The following SYNE1 variants were observed in gnomAD, a reference collection of about 807,000 sequenced individuals.
SYNE1 encodes spectrin repeat containing nuclear envelope protein 1.
In SYNE1, 616 loss-of-function variants were observed where a neutral mutation model predicts 1,111.0. The ratio of observed to expected loss-of-function variants is 0.55; its 90% CI spans 0.52 to 0.59. SYNE1 has a LOEUF of 0.59. SYNE1 is among the 20% of genes least tolerant of loss of function. The pLI, the probability that SYNE1 is intolerant of heterozygous loss-of-function variation, is 0.00. For missense variants in SYNE1, 10,006 were observed against 10,417.0 expected (o/e 0.96, Z 1.72); for synonymous variants, 3,855 against 3,825.8 (o/e 1.01, Z -0.28).
At chr6:152,511,619 A>G in intron 6 of SYNE1, 2 of 1,606,400 alleles carry the variant, frequency 1.2e-6, no homozygotes, top group African/African-American at 1.3e-5. Context: ...GGGAGAAGAT[A>G]ATAGATATAC....
intron 131 of SYNE1, among the ~76,000 whole-genome samples, chr6:152,157,933 G>GT (rs1201294065): frequency 6.6e-6 from 1 of 151,654 alleles, no homozygotes; most frequent in Non-Finnish European, 1.5e-5. Context: ...TAATTTTTGT[G>GT]TTTTTAGTAG....
chr6:152,240,293 AAAACAAAC>A (rs71017529), intron 107 of SYNE1, among the ~76,000 whole-genome samples: 6 of 150,374 alleles, frequency 4.0e-5, no homozygotes, highest in Non-Finnish European at 5.9e-5. Flanking sequence ...ACTCCATCTC[AAAACAAAC>A]AAACAAACAA....
At chr6:152,413,140 C>T (rs912230393) in intron 42 of SYNE1, among the ~76,000 whole-genome samples, 4 of 152,120 alleles carry the variant, frequency 2.6e-5, no homozygotes, top group East Asian at 1.9e-4. Context: ...CATGAGCCAC[C>T]GTGCCTGGCC....
chr6:152,451,287 AC>A (rs2098646998), intron 25 of SYNE1, 82 bp from the exon 26 acceptor site: 6 of 1,209,910 alleles, frequency 5.0e-6, no homozygotes, highest in African/African-American at 3.2e-5. Context: ...AAAAAAAAAA[AC>A]AAAAACCATA....
intron 22 of SYNE1, 78 bp from the exon 23 acceptor site, chr6:152,456,122 G>C: frequency 2.0e-6 from 3 of 1,482,726 alleles, no homozygotes; most frequent in Non-Finnish European, 2.8e-6. Flanking sequence ...GACCATTACA[G>C]ATAATAAGAA....
chr6:152,288,310 A>G (rs948103898), intron 95 of SYNE1, among the ~76,000 whole-genome samples: 2 of 152,136 alleles, frequency 1.3e-5, no homozygotes, highest in African/African-American at 4.8e-5. Flanking sequence ...TCCTTGTTAG[A>G]TCTCATTTAA....
intron 59 of SYNE1, among the ~76,000 whole-genome samples, chr6:152,371,775 A>T (rs1215659693): frequency 1.3e-5 from 1 of 78,630 alleles, no homozygotes; most frequent in Non-Finnish European, 2.4e-5. Context: ...AAGGGAGGAG[A>T]GGGGAGGGGA....
intron 4 of SYNE1, among the ~76,000 whole-genome samples, chr6:152,537,231 C>T (rs2127938499): frequency 6.6e-6 from 1 of 152,078 alleles, no homozygotes; most frequent in East Asian, 1.9e-4. Context: ...GTTATATCAA[C>T]AATTTGTGAT....
At position 152,526,810 on chromosome 6, in the gene SYNE1, A is replaced by T. The variant is rs548947966; in HGVS notation, c.130-635T>A. Among the ~76,000 whole-genome samples, 4 of 152,328 alleles carry T rather than the reference A, an allele frequency of 2.6e-5. No individual in the cohort carries two copies. In the East Asian group the frequency reaches 7.7e-4, roughly 29 times the overall value. ...ATTGAACCCAAAAGATCATAAGCAC[A>T]AAAGTACAGACCGATCAGTGCAAAT... On this transcript the variant is annotated intron_variant, in intron 4 of 145. Coordinates refer to ENST00000367255, the MANE Select transcript of SYNE1 (RefSeq NM_182961.4).
In SYNE1 at chr6:152,301,734, T is replaced by TAAGGA. The variant is rs1313049366; in HGVS notation, c.17541+130_17541+134dup. ...CGGCCCAACGGTAGTCAAAGAGACT[T>TAAGGA]AAGGAATCTGTTCCTCCCTCTGAAT... On this transcript the variant is annotated intron_variant, in intron 92 of 145. Coordinates refer to ENST00000367255, the MANE Select transcript of SYNE1 (RefSeq NM_182961.4). The TAAGGA allele has an allele frequency of 1.9e-5, 18 of 953,946 alleles. No homozygotes were observed. The African/African-American group carries it at 2.5e-4, about 13-fold the overall frequency. 59.1% of individuals were successfully genotyped at this position (953,946 alleles called of 1,614,324 possible). A position where few individuals can be genotyped will look rare whatever the true frequency, so the allele number is the denominator to read the frequency against.
Position 152,236,337 on chromosome 6 carries a change from G to T in SYNE1, c.20200-34C>A, listed in dbSNP as rs2084029295. ...TTGAAATTATTGAGTTAAAAGTTTG[G>T]ATATGCAATTTTTGTCTTTAAGAAT... On this transcript the variant is annotated intron_variant, in intron 109 of 145. Transcript: ENST00000367255. 3.3e-6 allele frequency: 5 copies of T among 1,516,466 alleles called. No individual in the cohort carries two copies. The South Asian group carries it at 5.7e-5, about 17-fold the overall frequency. The allele number at this position is 1,516,466 out of a possible 1,614,324, so 93.9% of individuals were successfully genotyped here. A position where few individuals can be genotyped will look rare whatever the true frequency, so the allele number is the denominator to read the frequency against.
rs149098432 is a variant in SYNE1, at chr6:152,561,135, G to A, written c.68-21114C>T. Among the ~76,000 whole-genome samples the A allele has an allele frequency of 8.1e-3, 1,225 of 152,146 alleles. 11 individuals carry two copies. The highest frequency in any genetic ancestry group is 0.027 in the African/African-American group (1,101 of 41,530). On this transcript the variant is annotated intron_variant, in intron 3 of 145. Transcript: ENST00000367255. Reference sequence around the variant, plus strand: ...ATCAGAAAGGAATACATAGACTTTTGTTTGCAGATGACATTATCTCAAATA... The same window carrying A: ...ATCAGAAAGGAATACATAGACTTTTATTTGCAGATGACATTATCTCAAATA...
intron 46 of SYNE1, among the ~76,000 whole-genome samples, chr6:152,402,209 C>T (rs1295578394): frequency 1.3e-5 from 2 of 152,148 alleles, no homozygotes; most frequent in African/African-American, 4.8e-5. Context: ...ATTCCTCCTC[C>T]CATAGGCCTT....
At chr6:152,289,816 C>G (rs182348907) in intron 95 of SYNE1, among the ~76,000 whole-genome samples, 1 of 151,732 alleles carries the variant, frequency 6.6e-6, no homozygotes, top group South Asian at 2.1e-4. Context: ...TTAGTAGAGA[C>G]GGGGTTTCAC....
chr6:152,572,999 T>G (rs1184716032), intron 3 of SYNE1, among the ~76,000 whole-genome samples: 1 of 152,160 alleles, frequency 6.6e-6, no homozygotes, highest in Admixed American at 6.5e-5. Flanking sequence ...CTATTTGACA[T>G]TCACACCTCA....
Position 152,441,136 on chromosome 6 carries a change from T to G in SYNE1, c.4143A>C (p.Gln1381His), listed in dbSNP as rs2154228908. The G allele has an allele frequency of 6.2e-7, 1 of 1,613,600 alleles. No individual in the cohort carries two copies. Among genetic ancestry groups the G allele is most frequent in the Admixed American group, 1.7e-5 (1 of 60,026 alleles). ...CCAAGGAGCCATAATATACCTTTGT[T>G]TGTTCCAGTTCTGAAGATAAACTTT... ...SLESLSSELE[Q>H]TKEFSKRTES... Residue 1381 changes from glutamine (Q) to histidine (H), a missense_variant, in exon 32 of 146, where the codon CAA becomes CAC. Transcript: ENST00000367255.
At position 152,450,802 on chromosome 6, in the gene SYNE1, AGAT is replaced by A. The variant is rs1420953855; in HGVS notation, c.3215_3217del (p.His1072del). On this transcript the variant is annotated inframe_deletion, in exon 27 of 146. Transcript: ENST00000367255. ...GATGAGCTGTAACCTTTTCTCACAG[AGAT>A]GATGAGGACCTTTGTCACTGAAGAA... 1 of 1,614,024 alleles carries A rather than the reference AGAT, an allele frequency of 6.2e-7. No homozygotes were observed. Among genetic ancestry groups the A allele is most frequent in the African/African-American group, 1.3e-5 (1 of 74,926 alleles).
At chr6:152,429,828 G>A (rs118041971) in intron 36 of SYNE1, among the ~76,000 whole-genome samples, 1 of 152,250 alleles carries the variant, frequency 6.6e-6, no homozygotes, top group East Asian at 1.9e-4. Flanking sequence ...AGGTAACAGG[G>A]TTGTTAAAGC....
At chr6:152,510,885 A>G (rs1267382343) in intron 7 of SYNE1, 126 bp downstream of exon 7, 1 of 885,322 alleles carries the variant, frequency 1.1e-6, no homozygotes, top group East Asian at 2.4e-5. Flanking sequence ...TATGTGTGAA[A>G]GGTACATTTC....
Sources: gnomAD v4.1 joint callset for allele counts (sites outside exome capture counted in the v4.1 genomes callset) on GRCh38, gnomAD v4.1.1 for gene constraint, MANE v1.5 for transcripts, NCBI Gene and HGNC (gene_info 2026-07-23, HGNC 2026-07-21) for gene names.